VMP1: variants seen among roughly 807,000 people sequenced by gnomAD.
The protein encoded by VMP1 is ectopic P-granules autophagy protein 3 homolog.
Under a neutral mutation model 56.0 loss-of-function variants are expected in VMP1, and 11 were observed. That is an observed-to-expected ratio of 0.20 (90% CI 0.12 to 0.32). The LOEUF is 0.32. Among genes scored for constraint, VMP1 ranks in the 10% least tolerant of loss-of-function variants. The pLI is 1.00. For missense variants in VMP1, 296 were observed against 490.3 expected (o/e 0.60, Z 3.74); for synonymous variants, 149 against 165.0 (o/e 0.90, Z 0.74).
chr17:59,815,163 A>T (rs1372476792), intron 9 of VMP1, among the ~76,000 whole-genome samples: 1 of 152,070 alleles, frequency 6.6e-6, no homozygotes, highest in Non-Finnish European at 1.5e-5. Context: ...ATCTACCTAT[A>T]ATGTTAGATC....
chr17:59,773,687 G>A (rs1162888415), intron 6 of VMP1, 67 bp from the exon 7 acceptor site: 21 of 1,458,310 alleles, frequency 1.4e-5, no homozygotes, highest in Admixed American at 1.2e-4. Context: ...AAGAGTATGG[G>A]TTTGATCTAT....
chr17:59,794,517 ATTTTTTTTTTTTTT>A (rs71145572), intron 7 of VMP1, among the ~76,000 whole-genome samples: 27 of 43,114 alleles, frequency 6.3e-4, no homozygotes, highest in African/African-American at 2.3e-3. Flanking sequence ...CGCGCCCTGC[ATTTTTTTTTTTTTT>A]TTTTTTTTTT....
At chr17:59,717,726 C>T (rs2143725500) in intron 1 of VMP1, among the ~76,000 whole-genome samples, 2 of 152,258 alleles carry the variant, frequency 1.3e-5, no homozygotes, top group South Asian at 4.1e-4. Context: ...TTGATAACAG[C>T]CTGACCAACA....
At chr17:59,751,481 C>T (rs1023268694) in intron 5 of VMP1, among the ~76,000 whole-genome samples, 2 of 151,892 alleles carry the variant, frequency 1.3e-5, no homozygotes, top group Non-Finnish European at 2.9e-5. Context: ...GTGGCTCATG[C>T]CTGTGATCCC....
At chr17:59,808,902 C>A (rs1035911149) in intron 8 of VMP1, 26 bp downstream of exon 8, 36 of 1,589,630 alleles carry the variant, frequency 2.3e-5, no homozygotes, top group Non-Finnish European at 3.1e-5. Context: ...TAAAACAGAA[C>A]TTTTACTAAG....
intron 5 of VMP1, among the ~76,000 whole-genome samples, chr17:59,753,456 A>T (rs1023018936): frequency 2.0e-5 from 3 of 152,194 alleles, no homozygotes; most frequent in African/African-American, 7.2e-5. Context: ...CATGCTCCTT[A>T]TATGCATGTA....
chr17:59,836,597 T>C (rs183037423), intron 10 of VMP1, among the ~76,000 whole-genome samples: 7 of 152,238 alleles, frequency 4.6e-5, no homozygotes, highest in African/African-American at 1.7e-4. Flanking sequence ...TAATATTGAA[T>C]TGTAAATTAT....
chr17:59,816,342 G>A (rs1019929927), intron 9 of VMP1, among the ~76,000 whole-genome samples: 1 of 152,164 alleles, frequency 6.6e-6, no homozygotes, highest in Non-Finnish European at 1.5e-5. Flanking sequence ...CTGGTTTTTG[G>A]TATAGACCCC....
At chr17:59,737,296 C>A (rs537152429) in intron 3 of VMP1, among the ~76,000 whole-genome samples, 157 bp from the exon 4 acceptor site, 5 of 152,162 alleles carry the variant, frequency 3.3e-5, no homozygotes, top group Non-Finnish European at 7.3e-5. Context: ...CTTCCCTTGA[C>A]CCCCTTCTGT....
At chr17:59,720,004 C>T (rs1188851374) in intron 1 of VMP1, among the ~76,000 whole-genome samples, 1 of 152,178 alleles carries the variant, frequency 6.6e-6, no homozygotes, top group Non-Finnish European at 1.5e-5. Flanking sequence ...TTCTCAACCC[C>T]ATCCACAGAC....
intron 6 of VMP1, among the ~76,000 whole-genome samples, chr17:59,768,488 T>C (rs2036309560): frequency 6.6e-6 from 1 of 151,610 alleles, no homozygotes; most frequent in African/African-American, 2.4e-5. Context: ...CTGTAGTCAC[T>C]GCTACTCGGG....
At chr17:59,794,887 T>A (rs2037379482) in intron 7 of VMP1, among the ~76,000 whole-genome samples, 1 of 152,082 alleles carries the variant, frequency 6.6e-6, no homozygotes, top group East Asian at 1.9e-4. Flanking sequence ...AACTGAACAA[T>A]TTCCTCCTAA....
At chr17:59,773,651 A>AT in intron 6 of VMP1, 103 bp from the exon 7 acceptor site, 1 of 1,150,556 alleles carries the variant, frequency 8.7e-7, no homozygotes, top group East Asian at 2.6e-5. Context: ...AATATATTGC[A>AT]TCTCAAAATG....
At chr17:59,759,499 T>C (rs2143955335) in intron 5 of VMP1, among the ~76,000 whole-genome samples, 1 of 152,366 alleles carries the variant, frequency 6.6e-6, no homozygotes, top group Middle Eastern at 3.4e-3. Flanking sequence ...AGAATTGGTC[T>C]GACTTCCTGA....
intron 1 of VMP1, among the ~76,000 whole-genome samples, chr17:59,729,469 A>C (rs1284855021): frequency 4.6e-5 from 6 of 131,434 alleles, no homozygotes; most frequent in African/African-American, 1.7e-4. Context: ...AGCGACAGAG[A>C]CTCCATCTCA....
chr17:59,814,879 C>G (rs1226917643), intron 9 of VMP1, among the ~76,000 whole-genome samples: 1 of 152,132 alleles, frequency 6.6e-6, no homozygotes, highest in Non-Finnish European at 1.5e-5. Context: ...AGGCATGTCA[C>G]TTGATGTACA....
chr17:59,760,179 A>G (rs1480482121), intron 5 of VMP1, among the ~76,000 whole-genome samples: 1 of 151,658 alleles, frequency 6.6e-6, no homozygotes, highest in Non-Finnish European at 1.5e-5. Flanking sequence ...AATATGCTCC[A>G]TTAACTTACA....
chr17:59,796,762 C>G (rs2037451041), intron 7 of VMP1, among the ~76,000 whole-genome samples: 1 of 152,220 alleles, frequency 6.6e-6, no homozygotes, highest in Non-Finnish European at 1.5e-5. Context: ...TTCTTTAGAA[C>G]CATCTGTACA....
intron 7 of VMP1, among the ~76,000 whole-genome samples, chr17:59,804,323 A>G (rs1294117948): frequency 6.6e-6 from 1 of 152,136 alleles, no homozygotes; most frequent in Middle Eastern, 3.2e-3. Context: ...TGAAAGTAAA[A>G]TAAATTTGGG....
Sources: gnomAD v4.1 joint callset for allele counts (sites outside exome capture counted in the v4.1 genomes callset) on GRCh38, gnomAD v4.1.1 for gene constraint, MANE v1.5 for transcripts, NCBI Gene and HGNC (gene_info 2026-07-23, HGNC 2026-07-21) for gene names.